Variants in NSMCE2 observed in about 807,000 individuals in gnomAD.
NSMCE2 encodes the protein NSE2 SUMO ligase component of SMC5/6 complex.
In NSMCE2, 24 loss-of-function variants were observed where a neutral mutation model predicts 23.8. The ratio of observed to expected loss-of-function variants is 1.01; its 90% confidence interval spans 0.73 to 1.42. NSMCE2 has a LOEUF of 1.42. Ranked by LOEUF, NSMCE2 falls within the 40% of genes most tolerant of loss-of-function variation. The probability of loss-of-function intolerance (pLI) is 0.00; values close to 1 mark genes in which losing one functional copy is unlikely to be tolerated. For synonymous variants in NSMCE2, 92 were observed against 94.1 expected (o/e 0.98, Z 0.13); for missense variants, 284 against 296.5 (o/e 0.96, Z 0.31).
At chr8:125,300,958 TC>T (rs1380469562) in intron 5 of NSMCE2, among the ~76,000 whole-genome samples, 3 of 152,224 alleles carry the variant, frequency 2.0e-5, no homozygotes, top group African/African-American at 7.2e-5. Flanking sequence ...TCATCTCAGT[TC>T]CAAATAGTGT....
chr8:125,283,957 T>A (rs12675647), intron 5 of NSMCE2, among the ~76,000 whole-genome samples: 5,096 of 152,126 alleles, frequency 0.033, 190 homozygotes, highest in South Asian at 0.19. Context: ...ATGGAGACCA[T>A]CCTGGCTAAC....
intron 5 of NSMCE2, among the ~76,000 whole-genome samples, chr8:125,224,401 C>G (rs1276308572): frequency 1.3e-5 from 2 of 152,032 alleles, no homozygotes; most frequent in East Asian, 3.8e-4. Context: ...TGGAGCTATT[C>G]CTAGTTTTCT....
intron 5 of NSMCE2, among the ~76,000 whole-genome samples, chr8:125,239,483 C>T (rs1173712840): frequency 6.6e-6 from 1 of 151,892 alleles, no homozygotes; most frequent in African/African-American, 2.4e-5. Flanking sequence ...GTGGTGCACG[C>T]CTGTAGTACC....
chr8:125,100,277 T>C (rs1429724320), intron 1 of NSMCE2, among the ~76,000 whole-genome samples: 3 of 152,166 alleles, frequency 2.0e-5, no homozygotes, highest in Non-Finnish European at 4.4e-5. Context: ...AAAAGTCAAG[T>C]ATTGTCTTAT....
At chr8:125,257,682 C>T (rs933493858) in intron 5 of NSMCE2, among the ~76,000 whole-genome samples, 4 of 152,004 alleles carry the variant, frequency 2.6e-5, no homozygotes, top group Non-Finnish European at 5.9e-5. Flanking sequence ...TACAGGCGCT[C>T]ACCACCATGC....
intron 4 of NSMCE2, among the ~76,000 whole-genome samples, chr8:125,160,493 T>C (rs1031115341): frequency 3.9e-5 from 6 of 152,182 alleles, no homozygotes; most frequent in Non-Finnish European, 7.4e-5. Flanking sequence ...TTAGTGCTCA[T>C]AGTCAGTGTT....
intron 3 of NSMCE2, among the ~76,000 whole-genome samples, chr8:125,111,164 A>G (rs1460744287): frequency 6.6e-6 from 1 of 152,316 alleles, no homozygotes; most frequent in East Asian, 1.9e-4. Context: ...ACGCAGCCAA[A>G]AAAGTTTTCA....
chr8:125,233,503 T>C (rs1412297846), intron 5 of NSMCE2, among the ~76,000 whole-genome samples: 2 of 152,178 alleles, frequency 1.3e-5, no homozygotes, highest in Non-Finnish European at 2.9e-5. Flanking sequence ...ATTAGTACTA[T>C]TAGGTAATAC....
chr8:125,198,894 C>A (rs1277345077), intron 5 of NSMCE2, among the ~76,000 whole-genome samples: 1 of 152,196 alleles, frequency 6.6e-6, no homozygotes, highest in Admixed American at 6.5e-5. Context: ...AGAGATTCCA[C>A]TTCTTCCTGG....
At chr8:125,359,871 G>GT (rs1813452577) in intron 7 of NSMCE2, among the ~76,000 whole-genome samples, 1 of 152,140 alleles carries the variant, frequency 6.6e-6, no homozygotes, top group South Asian at 2.1e-4. Context: ...TTTTAAAGGA[G>GT]TAAGATGAGC....
intron 4 of NSMCE2, among the ~76,000 whole-genome samples, chr8:125,165,552 T>G (rs1246604242): frequency 6.6e-6 from 1 of 152,232 alleles, no homozygotes; most frequent in African/African-American, 2.4e-5. Context: ...GTGCAACATG[T>G]AATAGTATTA....
intron 5 of NSMCE2, among the ~76,000 whole-genome samples, chr8:125,223,836 G>A (rs1004654776): frequency 7.4e-6 from 1 of 135,614 alleles, no homozygotes; most frequent in Non-Finnish European, 1.5e-5. Context: ...TTTTGAGTCA[G>A]GGTCTTGCGC....
Position 125,362,138 on chromosome 8 carries a change from G to A in NSMCE2, c.626+4320G>A, listed in dbSNP as rs1586822129. ...CCTGAAGGGCTGACTCCTGCACAGC[G>A]ATGATGCGGCAGCTGAAGATCGGGT... On this transcript the variant is annotated intron_variant, in intron 7 of 7. Coordinates refer to ENST00000287437, the MANE Select transcript of NSMCE2 (RefSeq NM_173685.4). 2.0e-5 allele frequency among the ~76,000 whole-genome samples: 3 copies of A among 152,346 alleles called. 1 individual carries two copies. The South Asian group carries it at 6.2e-4, about 32-fold the overall frequency.
chr8:125,248,222 A>G (rs1420835917), intron 5 of NSMCE2, among the ~76,000 whole-genome samples: 1 of 152,232 alleles, frequency 6.6e-6, no homozygotes, highest in Non-Finnish European at 1.5e-5. Flanking sequence ...CTTTTCAGTC[A>G]TGTCAGAAGG....
chr8:125,238,094 C>T (rs1231429331), intron 5 of NSMCE2, among the ~76,000 whole-genome samples: 1 of 152,200 alleles, frequency 6.6e-6, no homozygotes, highest in Non-Finnish European at 1.5e-5. Flanking sequence ...TTCTGGTCCT[C>T]ATCTCACTAT....
chr8:125,166,328 G>A (rs573876663), intron 4 of NSMCE2, among the ~76,000 whole-genome samples: 17 of 152,186 alleles, frequency 1.1e-4, no homozygotes, highest in South Asian at 8.3e-4. Context: ...GTGCAGTGGC[G>A]CGATCTCAGC....
At chr8:125,181,056 G>A (rs1157085106) in intron 4 of NSMCE2, among the ~76,000 whole-genome samples, 1 of 152,174 alleles carries the variant, frequency 6.6e-6, no homozygotes, top group Non-Finnish European at 1.5e-5. Context: ...CTTGGCAGCA[G>A]GAGCATCAGG....
At chr8:125,335,353 T>C (rs1830035087) in intron 5 of NSMCE2, among the ~76,000 whole-genome samples, 1 of 152,174 alleles carries the variant, frequency 6.6e-6, no homozygotes, top group Non-Finnish European at 1.5e-5. Context: ...AGACAGGTAT[T>C]TTCATCCAGA....
At chr8:125,112,192 T>C (rs987760641) in intron 3 of NSMCE2, among the ~76,000 whole-genome samples, 1 of 152,172 alleles carries the variant, frequency 6.6e-6, no homozygotes. Context: ...TTAGTGAAGA[T>C]TATTAAACAT....
Sources: allele counts gnomAD v4.1 joint callset (sites outside exome capture counted in the v4.1 genomes callset), GRCh38; gene constraint gnomAD v4.1.1; transcripts MANE v1.5; gene names NCBI Gene and HGNC (gene_info 2026-07-23, HGNC 2026-07-21).